EFCC1: variants seen among roughly 807,000 people sequenced by gnomAD.
EFCC1 encodes EF-hand and coiled-coil domain containing 1.
A neutral mutation model predicts 52.1 loss-of-function variants in EFCC1; 50 were observed. That is an observed-to-expected ratio of 0.96 (90% confidence interval 0.76 to 1.21). The LOEUF (loss-of-function observed/expected upper bound fraction) is 1.21. Ranked by LOEUF, EFCC1 falls within the 50% of genes most tolerant of loss-of-function variation. The probability of loss-of-function intolerance (pLI) is 0.00; values close to 1 mark genes in which losing one functional copy is unlikely to be tolerated. For missense variants in EFCC1, 837 were observed against 867.3 expected, an observed-to-expected ratio of 0.97 and a Z score of 0.44; for synonymous variants, 399 against 396.5, an observed-to-expected ratio of 1.01 and a Z score of -0.08.
chr3:129,030,430 T>G, intron 2 of EFCC1: 4 of 281,972 alleles, frequency 1.4e-5, no homozygotes, highest in East Asian at 6.0e-5. Flanking sequence ...GGAAGGGGCA[T>G]TTCTTTTCCT....
rs1207482924 is a variant in EFCC1, at chr3:129,040,138, AT to A, written c.*291del. ...TGGATCAGCCTGCACCTGATGCTGT[AT>A]CTTTCCCCTGCCCTCAGGGCAGAGA... On this transcript the variant is annotated 3_prime_UTR_variant, in exon 8 of 8. Coordinates refer to ENST00000683648, the MANE Select transcript of EFCC1 (RefSeq NM_001377500.1). This position sits in a 1 kb window ranked among gnomAD's most constrained non-coding sequence, Gnocchi z 4.4. 2 of 372,864 alleles carry A rather than the reference AT, an allele frequency of 5.4e-6. No individual in the cohort carries two copies. The highest frequency in any genetic ancestry group is 2.1e-5 in the African/African-American group (1 of 47,992). 23.1% of individuals were successfully genotyped at this position (372,864 alleles called of 1,614,324 possible).
intron 2 of EFCC1, among the ~76,000 whole-genome samples, chr3:129,019,651 C>T (rs188518404): frequency 3.3e-5 from 5 of 152,162 alleles, no homozygotes; most frequent in East Asian, 1.9e-4. Flanking sequence ...ATGATGGAAA[C>T]GCTTTCTGGC....
chr3:129,030,607 C>G (rs546189867), intron 2 of EFCC1, 96 bp from the exon 3 acceptor site: 1 of 1,371,556 alleles, frequency 7.3e-7, no homozygotes, highest in Non-Finnish European at 9.7e-7. Context: ...GCCAGGGTGA[C>G]AATGGGTGTT....
intron 6 of EFCC1, among the ~76,000 whole-genome samples, chr3:129,037,866 G>A (rs1576786960): frequency 1.3e-5 from 2 of 149,616 alleles, no homozygotes; most frequent in Admixed American, 1.3e-4. Flanking sequence ...TTCGAGACCA[G>A]CCTGGCCAAT....
In EFCC1 at chr3:129,039,943, C is replaced by T. The variant is rs1234415315; in HGVS notation, c.*95C>T. 13 of 1,435,120 alleles carry T rather than the reference C, an allele frequency of 9.1e-6. No homozygotes were observed. Among genetic ancestry groups the T allele is most frequent in the Non-Finnish European group, 1.1e-5 (12 of 1,081,074 alleles). 88.9% of individuals were successfully genotyped at this position (1,435,120 alleles called of 1,614,324 possible). ...CAACCACTGACAGCTGGTCTGACCA[C>T]CGTCACATCATCAGAACTTGAGTCT... On this transcript the variant is annotated 3_prime_UTR_variant, in exon 8 of 8. Transcript: ENST00000683648.
chr3:129,033,635 A>C (rs1946316555), intron 4 of EFCC1, among the ~76,000 whole-genome samples: 1 of 152,212 alleles, frequency 6.6e-6, no homozygotes, highest in Non-Finnish European at 1.5e-5. Context: ...CATGTCAACA[A>C]GCACTTATAA....
At chr3:129,027,810 C>T (rs1297221980) in intron 2 of EFCC1, among the ~76,000 whole-genome samples, 1 of 151,914 alleles carries the variant, frequency 6.6e-6, no homozygotes, top group Non-Finnish European at 1.5e-5. Flanking sequence ...AAAAGTTAGC[C>T]GGGCATGGTG....
intron 2 of EFCC1, among the ~76,000 whole-genome samples, chr3:129,005,894 A>G (rs1945053221): frequency 6.6e-6 from 1 of 152,264 alleles, no homozygotes; most frequent in Non-Finnish European, 1.5e-5. Context: ...CAGCCTTGGA[A>G]CTTTATCCAA....
At chr3:129,023,639 G>A (rs1945968350) in intron 2 of EFCC1, among the ~76,000 whole-genome samples, 1 of 152,114 alleles carries the variant, frequency 6.6e-6, no homozygotes, top group East Asian at 1.9e-4. Flanking sequence ...GCCACCTCTT[G>A]ATTCTTAAAT....
chr3:129,006,782 A>T (rs1364667888), intron 2 of EFCC1, among the ~76,000 whole-genome samples: 2 of 152,218 alleles, frequency 1.3e-5, no homozygotes, highest in Non-Finnish European at 2.9e-5. Context: ...CTGCCCCTCT[A>T]GAAACATGCC....
chr3:129,012,191 C>A (rs578076795), intron 2 of EFCC1, among the ~76,000 whole-genome samples: 1 of 152,364 alleles, frequency 6.6e-6, no homozygotes, highest in South Asian at 2.1e-4. Context: ...TTCAGCTCAA[C>A]TTGCTTGTGC....
chr3:129,009,332 G>A (rs1057380076), intron 2 of EFCC1, among the ~76,000 whole-genome samples: 2 of 152,186 alleles, frequency 1.3e-5, no homozygotes, highest in Non-Finnish European at 1.5e-5. Flanking sequence ...AGGTACTCAC[G>A]TAGTGTTACC....
At chr3:129,021,397 A>G (rs1296724401) in intron 2 of EFCC1, among the ~76,000 whole-genome samples, 1 of 152,184 alleles carries the variant, frequency 6.6e-6, no homozygotes, top group Admixed American at 6.5e-5. Context: ...AGGCACATCA[A>G]AGACAGTGAC....
rs923391278 is a variant in EFCC1 at position 129,002,066 on chromosome 3, C to T, written c.438C>T (p.His146=). The T allele has an allele frequency of 8.5e-6, 13 of 1,537,744 alleles. No individual in the cohort carries two copies. In the East Asian group the frequency reaches 3.0e-4, roughly 36 times the overall value. ...CGGAGCTCACCTTCCGCCAGTTCCA[C>T]GCGCGCCTCTGTGGCTACTTCGGCA... ...EPPELTFRQF[H]ARLCGYFGTR... The change falls in exon 1 of 8, where the codon CAC becomes CAT. Residue 146 remains histidine, a synonymous_variant. Coordinates refer to ENST00000683648, the MANE Select transcript of EFCC1 (RefSeq NM_001377500.1).
rs113227197 is a variant in EFCC1, at chr3:129,022,421, A to G, written c.981-8282A>G. ...CACAGAACTGAAGGAGGGGTCTGTTACATGAAGATCTGGAGCCAGGAGCCA... is the reference window on the plus strand; with the variant it reads ...CACAGAACTGAAGGAGGGGTCTGTTGCATGAAGATCTGGAGCCAGGAGCCA... On this transcript the variant is annotated intron_variant, in intron 2 of 7. Coordinates refer to ENST00000683648, the MANE Select transcript of EFCC1 (RefSeq NM_001377500.1). Among the ~76,000 whole-genome samples, 114 of 152,352 alleles carry G rather than the reference A, an allele frequency of 7.5e-4. 1 individual carries two copies. The highest frequency in any genetic ancestry group is 2.6e-3 in the African/African-American group (108 of 41,584).
In EFCC1 at chr3:129,003,703, C is replaced by T. The variant is rs1944913456; in HGVS notation, c.697-91C>T. 6 of 1,187,802 alleles carry T rather than the reference C, an allele frequency of 5.1e-6. No individual in the cohort carries two copies. The South Asian group carries it at 1.2e-4, about 23-fold the overall frequency. 73.6% of individuals were successfully genotyped at this position (1,187,802 alleles called of 1,614,324 possible). A position where few individuals can be genotyped will look rare whatever the true frequency, so the allele number is the denominator to read the frequency against. On this transcript the variant is annotated intron_variant, in intron 1 of 7. Coordinates refer to ENST00000683648, the MANE Select transcript of EFCC1 (RefSeq NM_001377500.1). ...AAACGTGCTCAAGCGCTTCTGGGTG[C>T]AGAGGCATGGGGCCGCCGTCGTGGC... is the stretch of plus-strand genomic sequence containing the variant.
chr3:129,008,398 T>A (rs369350557), intron 2 of EFCC1, among the ~76,000 whole-genome samples: 3 of 152,224 alleles, frequency 2.0e-5, no homozygotes, highest in African/African-American at 7.2e-5. Flanking sequence ...TGATTTTGAC[T>A]TTGGCTCTAT....
rs555491222 is a variant in EFCC1 at position 129,027,103 on chromosome 3, T to C, written c.981-3600T>C. The stretch of plus-strand genomic sequence containing the variant: ...CAACTTCCCGCTTCGTCGGTCATCA[T>C]GCTCCGCGCCCTCAGGCAGTCAGCG... On this transcript the variant is annotated intron_variant, in intron 2 of 7. Transcript: ENST00000683648. 7.9e-5 allele frequency among the ~76,000 whole-genome samples: 12 copies of C among 152,090 alleles called. 1 individual carries two copies. The South Asian group carries it at 2.3e-3, about 29-fold the overall frequency.
At chr3:129,003,665 C>A in intron 1 of EFCC1, 129 bp from the exon 2 acceptor site, 2 of 950,236 alleles carry the variant, frequency 2.1e-6, no homozygotes, top group Non-Finnish European at 2.7e-6. Context: ...CACCCGGAAG[C>A]AGACGGCGCA....
Sources: gnomAD v4.1 joint callset for allele counts (sites outside exome capture counted in the v4.1 genomes callset) on GRCh38, gnomAD v4.1.1 for gene constraint, Gnocchi (gnomAD v3.1) non-coding constraint, MANE v1.5 for transcripts, NCBI Gene and HGNC (gene_info 2026-07-23, HGNC 2026-07-21) for gene names.